Variants in NCBP2AS2 observed in about 807,000 individuals in gnomAD.
NCBP2AS2 encodes protein NCBP2AS2.
For synonymous variants in NCBP2AS2, 67 were observed against 28.0 expected, an observed-to-expected ratio of 2.39 and a Z score of -4.40; for missense variants, 125 against 56.0, an observed-to-expected ratio of 2.23 and a Z score of -3.93.
Position 196,942,809 on chromosome 3 carries a change from G to T in NCBP2AS2, c.93G>T (p.Gln31His). 1.4e-6 allele frequency: 1 copy of T among 699,760 alleles called. No homozygotes were observed. The highest frequency in any genetic ancestry group is 2.7e-5 in the East Asian group (1 of 36,958). The allele number at this position is 699,760 out of a possible 1,614,324, so 43.3% of individuals were successfully genotyped here. A position where few individuals can be genotyped will look rare whatever the true frequency, so the allele number is the denominator to read the frequency against. ...CGCGGCCTATCCGACGTGCGGCGCA[G>T]CTCACGGCCTTCGCACTGCTGCAGG... The part of the protein sequence containing the change: ...SESRPIRRAA[Q>H]LTAFALLQAQ... The change falls in exon 1 of 1, where the codon CAG (glutamine) becomes CAT (histidine). Residue 31 changes from glutamine (Q) to histidine (H), a missense_variant. Gln to His is a conservative substitution (Grantham distance 24). Transcript: ENST00000602845.
Position 196,943,258 on chromosome 3 carries a change from C to T in NCBP2AS2, c.*242C>T. The T allele has an allele frequency of 4.2e-6, 2 of 481,120 alleles. No individual in the cohort carries two copies. Among genetic ancestry groups the T allele is most frequent in the Non-Finnish European group, 7.3e-6 (2 of 275,614 alleles). The allele number at this position is 481,120 out of a possible 1,614,324, so 29.8% of individuals were successfully genotyped here. Reference sequence around the variant, plus strand: ...TAACAGAGATGAAGGTAGGCTGGGTCCAGACACGGCACCTACGGAGAGCCA... The same window carrying T: ...TAACAGAGATGAAGGTAGGCTGGGTTCAGACACGGCACCTACGGAGAGCCA... On this transcript the variant is annotated 3_prime_UTR_variant, in exon 1 of 1. Coordinates refer to ENST00000602845, the MANE Select transcript of NCBP2AS2 (RefSeq NM_001355243.2).
Position 196,942,873 on chromosome 3 carries a change from G to T in NCBP2AS2, c.157G>T (p.Asp53Tyr), listed in dbSNP as rs1310435983. ...RGQDAARRLQDLAAGPVGSLC... is the reference protein window; with the variant it reads ...RGQDAARRLQYLAAGPVGSLC... ...CCAGGACGCGGCCCGCCGCCTGCAG[G>T]ACCTCGCGGCTGGGCCCGTGGGCTC... The change falls in exon 1 of 1, where the codon GAC becomes TAC. Residue 53 changes from aspartate (D) to tyrosine (Y), a missense_variant. Coordinates refer to ENST00000602845, the MANE Select transcript of NCBP2AS2 (RefSeq NM_001355243.2). 3 of 699,204 alleles carry T rather than the reference G, an allele frequency of 4.3e-6. No homozygotes were observed. The highest frequency in any genetic ancestry group is 4.0e-5 in the Admixed American group (2 of 49,802). 43.3% of individuals were successfully genotyped at this position (699,204 alleles called of 1,614,324 possible). A position where few individuals can be genotyped will look rare whatever the true frequency, so the allele number is the denominator to read the frequency against.
chr3:196,942,762 C>T lies in NCBP2AS2; in HGVS notation c.46C>T (p.Leu16=), dbSNP rs886429341. 9 of 700,718 alleles carry T rather than the reference C, an allele frequency of 1.3e-5. No homozygotes were observed. Among genetic ancestry groups the T allele is most frequent in the Non-Finnish European group, 2.3e-5 (9 of 384,686 alleles). 43.4% of individuals were successfully genotyped at this position (700,718 alleles called of 1,614,324 possible). A position where few individuals can be genotyped will look rare whatever the true frequency, so the allele number is the denominator to read the frequency against. ...LLAALLHSPQ[L]VERLSESRPI... ...GGCCGCCCTGCTGCACAGCCCGCAG[C>T]TGGTGGAACGTCTGTCAGAGTCGCG... Residue 16 remains leucine, a synonymous_variant, in exon 1 of 1, where the codon CTG becomes TTG. Coordinates refer to ENST00000602845, the MANE Select transcript of NCBP2AS2 (RefSeq NM_001355243.2).
chr3:196,942,945 C>G lies in NCBP2AS2; in HGVS notation c.229C>G (p.Leu77Val), dbSNP rs886458021. 8.6e-5 allele frequency: 60 copies of G among 700,654 alleles called. No homozygotes were observed. Among genetic ancestry groups the G allele is most frequent in the Non-Finnish European group, 1.5e-4 (56 of 384,234 alleles). 43.4% of individuals were successfully genotyped at this position (700,654 alleles called of 1,614,324 possible). A position where few individuals can be genotyped will look rare whatever the true frequency, so the allele number is the denominator to read the frequency against. ...ERFRDAFTQELRRGLRGRSGP... is the reference protein window; with the variant it reads ...ERFRDAFTQEVRRGLRGRSGP... ...ATTTAGAGACGCCTTCACCCAGGAG[C>G]TACGCCGCGGCCTCCGAGGCCGCTC... is the stretch of plus-strand genomic sequence containing the variant. Residue 77 changes from leucine (L) to valine (V), a missense_variant, in exon 1 of 1, where the codon CTA becomes GTA. Transcript: ENST00000602845.
In NCBP2AS2 at chr3:196,942,709, T is replaced by G; in HGVS notation, c.-8T>G. On this transcript the variant is annotated 5_prime_UTR_variant, in exon 1 of 1. Coordinates refer to ENST00000602845, the MANE Select transcript of NCBP2AS2 (RefSeq NM_001355243.2). ...GCGGCGAGGTCGGGTTCCGGGCGCT[T>G]GGAGAAGATGGTGCTGCGGCGGCTG... 1.4e-6 allele frequency: 1 copy of G among 709,040 alleles called. No homozygotes were observed. The highest frequency in any genetic ancestry group is 2.7e-5 in the East Asian group (1 of 37,010). 43.9% of individuals were successfully genotyped at this position (709,040 alleles called of 1,614,324 possible).
Position 196,942,708 on chromosome 3 carries a change from T to C in NCBP2AS2, c.-9T>C, listed in dbSNP as rs965179761. ...GGCGGCGAGGTCGGGTTCCGGGCGC[T>C]TGGAGAAGATGGTGCTGCGGCGGCT... is the stretch of plus-strand genomic sequence containing the variant. On this transcript the variant is annotated 5_prime_UTR_variant, in exon 1 of 1. Coordinates refer to ENST00000602845, the MANE Select transcript of NCBP2AS2 (RefSeq NM_001355243.2). 4.2e-6 allele frequency: 3 copies of C among 712,658 alleles called. No homozygotes were observed. In the Admixed American group the frequency reaches 6.8e-5, roughly 16 times the overall value. The allele number at this position is 712,658 out of a possible 1,614,324, so 44.1% of individuals were successfully genotyped here. A position where few individuals can be genotyped will look rare whatever the true frequency, so the allele number is the denominator to read the frequency against.
In NCBP2AS2 at chr3:196,943,260, A is replaced by G; in HGVS notation, c.*244A>G. 2.1e-6 allele frequency: 1 copy of G among 481,110 alleles called. No homozygotes were observed. The highest frequency in any genetic ancestry group is 3.6e-6 in the Non-Finnish European group (1 of 275,562). The allele number at this position is 481,110 out of a possible 1,614,324, so 29.8% of individuals were successfully genotyped here. Reference sequence around the variant, plus strand: ...ACAGAGATGAAGGTAGGCTGGGTCCAGACACGGCACCTACGGAGAGCCACG... The same window carrying G: ...ACAGAGATGAAGGTAGGCTGGGTCCGGACACGGCACCTACGGAGAGCCACG... On this transcript the variant is annotated 3_prime_UTR_variant, in exon 1 of 1. Coordinates refer to ENST00000602845, the MANE Select transcript of NCBP2AS2 (RefSeq NM_001355243.2).
rs1482073237 is a variant in NCBP2AS2, at chr3:196,942,730, G to A, written c.14G>A (p.Arg5Gln). MVLR[R>Q]LLAALLHSPQ... ...CGCTTGGAGAAGATGGTGCTGCGGCGGCTGCTGGCCGCCCTGCTGCACAGC... is the reference window on the plus strand; with the variant it reads ...CGCTTGGAGAAGATGGTGCTGCGGCAGCTGCTGGCCGCCCTGCTGCACAGC... The change falls in exon 1 of 1, where the codon CGG (arginine) becomes CAG (glutamine). Residue 5 changes from arginine to glutamine, a missense_variant. By Grantham distance (43) the Arg-to-Gln change is conservative. Transcript: ENST00000602845. The A allele has an allele frequency of 1.3e-5, 9 of 700,774 alleles. No individual in the cohort carries two copies. The African/African-American group carries it at 1.4e-4, about 11-fold the overall frequency. The allele number at this position is 700,774 out of a possible 1,614,324, so 43.4% of individuals were successfully genotyped here. A position where few individuals can be genotyped will look rare whatever the true frequency, so the allele number is the denominator to read the frequency against.
In NCBP2AS2 at chr3:196,942,931, C is replaced by T. The variant is rs1049116813; in HGVS notation, c.215C>T (p.Ala72Val). 1.1e-5 allele frequency: 8 copies of T among 701,234 alleles called. No individual in the cohort carries two copies. Among genetic ancestry groups the T allele is most frequent in the Non-Finnish European group, 1.8e-5 (7 of 384,370 alleles). 43.4% of individuals were successfully genotyped at this position (701,234 alleles called of 1,614,324 possible). The change falls in exon 1 of 1, where the codon GCC (alanine) becomes GTC (valine). Residue 72 changes from alanine to valine, a missense_variant. Transcript: ENST00000602845. ...LCRRAERFRD[A>V]FTQELRRGLR... ...CGCCGCGCTGAGCGATTTAGAGACG[C>T]CTTCACCCAGGAGCTACGCCGCGGC...
rs1428435662 is a variant in NCBP2AS2, at chr3:196,942,744, C to G, written c.28C>G (p.Leu10Val). Residue 10 changes from leucine to valine, a missense_variant, in exon 1 of 1, where the codon CTG (leucine) becomes GTG (valine). Transcript: ENST00000602845. The part of the protein sequence containing the change: MVLRRLLAA[L>V]LHSPQLVERL... Reference sequence around the variant, plus strand: ...GGTGCTGCGGCGGCTGCTGGCCGCCCTGCTGCACAGCCCGCAGCTGGTGGA... The same window carrying G: ...GGTGCTGCGGCGGCTGCTGGCCGCCGTGCTGCACAGCCCGCAGCTGGTGGA... 1.4e-6 allele frequency: 1 copy of G among 701,670 alleles called. No homozygotes were observed. The highest frequency in any genetic ancestry group is 2.7e-5 in the East Asian group (1 of 37,026). The allele number at this position is 701,670 out of a possible 1,614,324, so 43.5% of individuals were successfully genotyped here.
chr3:196,942,812 C>G lies in NCBP2AS2; in HGVS notation c.96C>G (p.Leu32=). 1 of 699,732 alleles carries G rather than the reference C, an allele frequency of 1.4e-6. No homozygotes were observed. The highest frequency in any genetic ancestry group is 2.6e-6 in the Non-Finnish European group (1 of 383,880). 43.3% of individuals were successfully genotyped at this position (699,732 alleles called of 1,614,324 possible). The change falls in exon 1 of 1, where the codon CTC becomes CTG. Residue 32 remains leucine, a synonymous_variant. Transcript: ENST00000602845. ...ESRPIRRAAQ[L]TAFALLQAQL... is the part of the protein sequence containing the mutation. ...GGCCTATCCGACGTGCGGCGCAGCT[C>G]ACGGCCTTCGCACTGCTGCAGGCCC...
chr3:196,943,022 G>T lies in NCBP2AS2; in HGVS notation c.*6G>T. 3.0e-6 allele frequency: 2 copies of T among 664,442 alleles called. No homozygotes were observed. Among genetic ancestry groups the T allele is most frequent in the Non-Finnish European group, 5.4e-6 (2 of 373,394 alleles). The allele number at this position is 664,442 out of a possible 1,614,324, so 41.2% of individuals were successfully genotyped here. Reference sequence around the variant, plus strand: ...GCCCTGGCGCAAACATTTAATCCTGGGCTGTGCGGGGCCGAGGCCGCTTGC... The same window carrying T: ...GCCCTGGCGCAAACATTTAATCCTGTGCTGTGCGGGGCCGAGGCCGCTTGC... On this transcript the variant is annotated 3_prime_UTR_variant, in exon 1 of 1. Transcript: ENST00000602845.
At position 196,943,063 on chromosome 3, in the gene NCBP2AS2, C is replaced by G. The variant is rs561917024; in HGVS notation, c.*47C>G. On this transcript the variant is annotated 3_prime_UTR_variant, in exon 1 of 1. Coordinates refer to ENST00000602845, the MANE Select transcript of NCBP2AS2 (RefSeq NM_001355243.2). ...GGCCGCTTGCTTTTCCTTCCGGGCT[C>G]TACAGTGGCATCAATGTGGAGGGGT... is the stretch of plus-strand genomic sequence containing the variant. 4.7e-6 allele frequency: 3 copies of G among 642,742 alleles called. No individual in the cohort carries two copies. The South Asian group carries it at 5.0e-5, about 11-fold the overall frequency. The allele number at this position is 642,742 out of a possible 1,614,324, so 39.8% of individuals were successfully genotyped here. A position where few individuals can be genotyped will look rare whatever the true frequency, so the allele number is the denominator to read the frequency against.
At position 196,943,042 on chromosome 3, in the gene NCBP2AS2, G is replaced by C. The variant is rs1388404423; in HGVS notation, c.*26G>C. The stretch of plus-strand genomic sequence containing the variant: ...TCCTGGGCTGTGCGGGGCCGAGGCC[G>C]CTTGCTTTTCCTTCCGGGCTCTACA... On this transcript the variant is annotated 3_prime_UTR_variant, in exon 1 of 1. Coordinates refer to ENST00000602845, the MANE Select transcript of NCBP2AS2 (RefSeq NM_001355243.2). 1 of 648,084 alleles carries C rather than the reference G, an allele frequency of 1.5e-6. No individual in the cohort carries two copies. The highest frequency in any genetic ancestry group is 1.9e-5 in the African/African-American group (1 of 51,630). The allele number at this position is 648,084 out of a possible 1,614,324, so 40.1% of individuals were successfully genotyped here. A position where few individuals can be genotyped will look rare whatever the true frequency, so the allele number is the denominator to read the frequency against.
rs1716705326 is a variant in NCBP2AS2 at position 196,943,266 on chromosome 3, G to C, written c.*250G>C. On this transcript the variant is annotated 3_prime_UTR_variant, in exon 1 of 1. Transcript: ENST00000602845. Reference sequence around the variant, plus strand: ...ATGAAGGTAGGCTGGGTCCAGACACGGCACCTACGGAGAGCCACGGACCGA... The same window carrying C: ...ATGAAGGTAGGCTGGGTCCAGACACCGCACCTACGGAGAGCCACGGACCGA... 2.1e-6 allele frequency: 1 copy of C among 470,394 alleles called. No individual in the cohort carries two copies. The highest frequency in any genetic ancestry group is 3.7e-6 in the Non-Finnish European group (1 of 269,210). The allele number at this position is 470,394 out of a possible 1,614,324, so 29.1% of individuals were successfully genotyped here.
At position 196,943,322 on chromosome 3, in the gene NCBP2AS2, C is replaced by T. The variant is rs1481122372; in HGVS notation, c.*306C>T. The T allele has an allele frequency of 2.7e-6, 1 of 364,382 alleles. No homozygotes were observed. Among genetic ancestry groups the T allele is most frequent in the Non-Finnish European group, 4.9e-6 (1 of 202,926 alleles). 22.6% of individuals were successfully genotyped at this position (364,382 alleles called of 1,614,324 possible). On this transcript the variant is annotated 3_prime_UTR_variant, in exon 1 of 1. Transcript: ENST00000602845. ...GAGAGCCTTTCCTCTGCAAGTGGGA[C>T]TGAAACTCTTGACAGATGCTGCTCA...
chr3:196,942,707 C>T lies in NCBP2AS2; in HGVS notation c.-10C>T. ...GGGCGGCGAGGTCGGGTTCCGGGCG[C>T]TTGGAGAAGATGGTGCTGCGGCGGC... On this transcript the variant is annotated 5_prime_UTR_variant, in exon 1 of 1. Transcript: ENST00000602845. 2.8e-6 allele frequency: 2 copies of T among 718,388 alleles called. No homozygotes were observed. The highest frequency in any genetic ancestry group is 4.9e-6 in the Non-Finnish European group (2 of 409,314). The allele number at this position is 718,388 out of a possible 1,614,324, so 44.5% of individuals were successfully genotyped here. A position where few individuals can be genotyped will look rare whatever the true frequency, so the allele number is the denominator to read the frequency against.
At position 196,943,093 on chromosome 3, in the gene NCBP2AS2, C is replaced by T. The variant is rs991019778; in HGVS notation, c.*77C>T. 3 of 616,928 alleles carry T rather than the reference C, an allele frequency of 4.9e-6. No homozygotes were observed. The South Asian group carries it at 5.3e-5, about 11-fold the overall frequency. The allele number at this position is 616,928 out of a possible 1,614,324, so 38.2% of individuals were successfully genotyped here. On this transcript the variant is annotated 3_prime_UTR_variant, in exon 1 of 1. Coordinates refer to ENST00000602845, the MANE Select transcript of NCBP2AS2 (RefSeq NM_001355243.2). ...GTGGCATCAATGTGGAGGGGTCATT[C>T]CGGGCACTGCGCGCGGCTTCGAATC... is the stretch of plus-strand genomic sequence containing the variant.
chr3:196,942,849 C>A lies in NCBP2AS2; in HGVS notation c.133C>A (p.Gln45Lys), dbSNP rs1486337918. 1 of 697,726 alleles carries A rather than the reference C, an allele frequency of 1.4e-6. No individual in the cohort carries two copies. Among genetic ancestry groups the A allele is most frequent in the East Asian group, 2.7e-5 (1 of 36,944 alleles). 43.2% of individuals were successfully genotyped at this position (697,726 alleles called of 1,614,324 possible). ...ACTGCTGCAGGCCCAGCTGCGGGGC[C>A]AGGACGCGGCCCGCCGCCTGCAGGA... is the stretch of plus-strand genomic sequence containing the variant. Reference protein sequence around the residue: ...FALLQAQLRGQDAARRLQDLA... With the variant: ...FALLQAQLRGKDAARRLQDLA... Residue 45 changes from glutamine to lysine, a missense_variant, in exon 1 of 1, where the codon CAG (glutamine) becomes AAG (lysine). Gln to Lys is a moderately conservative substitution (Grantham distance 53, BLOSUM62 1). Coordinates refer to ENST00000602845, the MANE Select transcript of NCBP2AS2 (RefSeq NM_001355243.2).
Sources: gnomAD v4.1 joint callset for allele counts on GRCh38, gnomAD v4.1.1 for gene constraint, MANE v1.5 for transcripts, NCBI Gene and HGNC (gene_info 2026-07-23, HGNC 2026-07-21) for gene names.